CCDC102B: variants seen among roughly 807,000 people sequenced by gnomAD.
CCDC102B encodes coiled-coil domain containing 102B.
A neutral mutation model predicts 57.4 loss-of-function variants in CCDC102B; 75 were observed. The observed-to-expected ratio is 1.31, with a 90% CI of 1.08 to 1.58. The LOEUF (loss-of-function observed/expected upper bound fraction) is 1.58. CCDC102B is among the 40% of genes most tolerant of loss of function. The probability of loss-of-function intolerance (pLI) is 0.00; values close to 1 mark genes in which losing one functional copy is unlikely to be tolerated. For missense variants in CCDC102B, 636 were observed against 582.6 expected (o/e 1.09, Z -0.94); for synonymous variants, 206 against 201.9 (o/e 1.02, Z -0.17).
intron 7 of CCDC102B, among the ~76,000 whole-genome samples, chr18:69,031,249 A>G (rs1230440677): frequency 6.6e-6 from 1 of 152,156 alleles, no homozygotes; most frequent in Non-Finnish European, 1.5e-5. Context: ...AGTCCTTTTT[A>G]GTGACTTAGG....
intron 5 of CCDC102B, among the ~76,000 whole-genome samples, chr18:68,882,621 T>G (rs8093895): frequency 0.26 from 40,270 of 152,162 alleles, 6,267 homozygotes; most frequent in Non-Finnish European, 0.35. Flanking sequence ...CAGGCTCATA[T>G]TTCATTTAAA....
intron 2 of CCDC102B, among the ~76,000 whole-genome samples, chr18:68,729,165 A>G (rs1210157450): frequency 6.6e-6 from 1 of 152,218 alleles, no homozygotes; most frequent in African/African-American, 2.4e-5. Context: ...TGTGGCAGCT[A>G]TATGAAGAAA....
At chr18:69,039,608 C>G (rs1367734349) in intron 7 of CCDC102B, among the ~76,000 whole-genome samples, 1 of 151,872 alleles carries the variant, frequency 6.6e-6, no homozygotes, top group Non-Finnish European at 1.5e-5. Flanking sequence ...ATTACCTAAA[C>G]TTTCTTATAT....
At chr18:68,726,584 G>C (rs1489660415) in intron 2 of CCDC102B, among the ~76,000 whole-genome samples, 1 of 152,174 alleles carries the variant, frequency 6.6e-6, no homozygotes, top group African/African-American at 2.4e-5. Context: ...AAAGGTGACT[G>C]GTTTTCTGTA....
chr18:68,928,351 G>A (rs964576143), intron 6 of CCDC102B, among the ~76,000 whole-genome samples: 20 of 151,844 alleles, frequency 1.3e-4, no homozygotes, highest in Admixed American at 1.3e-3. Context: ...GAACAAATAC[G>A]AGACTCATCC....
chr18:68,817,646 C>T (rs988527878), intron 1 of CCDC102B, among the ~76,000 whole-genome samples: 1 of 152,088 alleles, frequency 6.6e-6, no homozygotes, highest in African/African-American at 2.4e-5. Flanking sequence ...TTTTTATAAA[C>T]GCGAGAAAGA....
chr18:68,865,468 C>T (rs2038934380), intron 4 of CCDC102B, among the ~76,000 whole-genome samples: 1 of 151,980 alleles, frequency 6.6e-6, no homozygotes, highest in South Asian at 2.1e-4. Context: ...ATCATCATAC[C>T]ACTGCCATCT....
At chr18:68,813,403 G>C (rs188720466) in intron 1 of CCDC102B, among the ~76,000 whole-genome samples, 2 of 151,816 alleles carry the variant, frequency 1.3e-5, no homozygotes, top group African/African-American at 4.8e-5. Context: ...GAGATGAGAC[G>C]ATAGAATGAT....
intron 6 of CCDC102B, among the ~76,000 whole-genome samples, chr18:68,945,122 C>CTCCACACACACACA (rs369066554): frequency 9.9e-4 from 143 of 144,040 alleles, no homozygotes; most frequent in Middle Eastern, 3.5e-3. Context: ...CTCTCTCTCT[C>CTCCACACACACACA]CACACACACA....
intron 1 of CCDC102B, among the ~76,000 whole-genome samples, chr18:68,808,967 A>G (rs977019520): frequency 3.3e-5 from 5 of 152,182 alleles, no homozygotes; most frequent in Admixed American, 2.6e-4. Context: ...AATTTATGCT[A>G]TTTCTATTCA....
chr18:68,967,384 AT>A, intron 6 of CCDC102B, among the ~76,000 whole-genome samples: 1 of 152,296 alleles, frequency 6.6e-6, no homozygotes, highest in South Asian at 2.1e-4. Context: ...TTTTGAAAGT[AT>A]TTTTAAATAA....
At chr18:68,788,109 A>G (rs1477732699) in intron 2 of CCDC102B, among the ~76,000 whole-genome samples, 4 of 151,778 alleles carry the variant, frequency 2.6e-5, no homozygotes, top group African/African-American at 7.3e-5. Flanking sequence ...TCAGGAGCAG[A>G]TTGTTCAGTT....
intron 2 of CCDC102B, among the ~76,000 whole-genome samples, chr18:68,731,023 T>C (rs2032835807): frequency 6.6e-6 from 1 of 152,202 alleles, no homozygotes; most frequent in Non-Finnish European, 1.5e-5. Flanking sequence ...AGTTTCACTC[T>C]GTTGCCAGGC....
At chr18:68,832,424 G>T (rs1785042733) in intron 1 of CCDC102B, among the ~76,000 whole-genome samples, 3 of 152,172 alleles carry the variant, frequency 2.0e-5, no homozygotes, top group African/African-American at 7.2e-5. Flanking sequence ...CAGGATGGCA[G>T]AAGTGATGTC....
intron 6 of CCDC102B, among the ~76,000 whole-genome samples, chr18:68,989,061 G>A (rs907931428): frequency 2.6e-5 from 4 of 151,964 alleles, no homozygotes; most frequent in African/African-American, 9.7e-5. Context: ...TAAATACTAT[G>A]CCTCCTAATT....
At chr18:69,018,303 T>G (rs920017600) in intron 7 of CCDC102B, among the ~76,000 whole-genome samples, 4 of 152,192 alleles carry the variant, frequency 2.6e-5, no homozygotes, top group Non-Finnish European at 4.4e-5. Context: ...AATTGCAGGA[T>G]CATATGGCAG....
At chr18:68,759,118 G>C (rs2034164480) in intron 2 of CCDC102B, among the ~76,000 whole-genome samples, 1 of 151,756 alleles carries the variant, frequency 6.6e-6, no homozygotes, top group African/African-American at 2.4e-5. Context: ...AAGCTCAAGA[G>C]AAAGACTGAA....
chr18:68,959,674 C>A (rs2049996492), intron 6 of CCDC102B, among the ~76,000 whole-genome samples: 1 of 152,090 alleles, frequency 6.6e-6, no homozygotes, highest in African/African-American at 2.4e-5. Context: ...GTCCTCTATT[C>A]TACTGCAGCT....
rs1009153906 is a variant in CCDC102B, at chr18:69,017,578, T to A, written c.1434+6474T>A. ...ATTTAATGTGTATAATGTGATGACC[T>A]GACATAAATAGCAAACTAATTACCA... On this transcript the variant is annotated intron_variant, in intron 7 of 7. Transcript: ENST00000360242. Among the ~76,000 whole-genome samples, 9 of 152,320 alleles carry A rather than the reference T, an allele frequency of 5.9e-5. No individual in the cohort carries two copies. In the South Asian group the frequency reaches 1.9e-3, roughly 32 times the overall value.
Sources: allele counts gnomAD v4.1 joint callset (sites outside exome capture counted in the v4.1 genomes callset), GRCh38; gene constraint gnomAD v4.1.1; transcripts MANE v1.5; gene names NCBI Gene and HGNC (gene_info 2026-07-23, HGNC 2026-07-21).